FAM81A: variants seen among roughly 807,000 people sequenced by gnomAD.
FAM81A encodes the protein protein FAM81A.
Under a neutral mutation model 46.7 loss-of-function variants are expected in FAM81A, and 19 were observed. The observed-to-expected ratio is 0.41, with a 90% CI of 0.28 to 0.60. FAM81A has a LOEUF of 0.60. Ranked by LOEUF, FAM81A falls within the 20% of genes least tolerant of loss-of-function variation. The pLI is 0.34. For synonymous variants in FAM81A, 183 were observed against 152.9 expected, an observed-to-expected ratio of 1.20 and a Z score of -1.45; for missense variants, 377 against 453.5, an observed-to-expected ratio of 0.83 and a Z score of 1.53.
chr15:59,459,675 G>T (rs1175303375), intron 2 of FAM81A, among the ~76,000 whole-genome samples: 1 of 152,084 alleles, frequency 6.6e-6, no homozygotes, highest in African/African-American at 2.4e-5. Flanking sequence ...AGACATCTCG[G>T]TGTACCCAAC....
chr15:59,470,846 G>A (rs537634910), intron 3 of FAM81A, among the ~76,000 whole-genome samples: 15 of 152,122 alleles, frequency 9.9e-5, no homozygotes, highest in African/African-American at 3.4e-4. Context: ...TTTTGAGACA[G>A]GGTCTGTCTG....
chr15:59,402,544 T>C (rs2081076047), intron 2 of FAM81A, among the ~76,000 whole-genome samples: 1 of 152,142 alleles, frequency 6.6e-6, no homozygotes, highest in African/African-American at 2.4e-5. Flanking sequence ...TATTATTTAA[T>C]TTTATTTTTA....
intron 5 of FAM81A, among the ~76,000 whole-genome samples, chr15:59,507,732 G>A (rs139554433): frequency 1.1e-4 from 16 of 152,172 alleles, no homozygotes; most frequent in Non-Finnish European, 1.9e-4. Flanking sequence ...CTCATTGTAT[G>A]TACTACCTCA....
At chr15:59,413,754 C>G (rs1175414997) in intron 2 of FAM81A, among the ~76,000 whole-genome samples, 1 of 151,824 alleles carries the variant, frequency 6.6e-6, no homozygotes, top group African/African-American at 2.4e-5. Context: ...ACCCCTGTCT[C>G]TAAAAAAAAG....
At position 59,460,272 on chromosome 15, in the gene FAM81A, A is replaced by G. The variant is rs755022928; in HGVS notation, c.294+66A>G. Reference sequence around the variant, plus strand: ...CAGAATTGCTCCATGTCAGGAGGTCACCCACATCTAACTCCTACCTCCCAG... The same window carrying G: ...CAGAATTGCTCCATGTCAGGAGGTCGCCCACATCTAACTCCTACCTCCCAG... On this transcript the variant is annotated intron_variant, in intron 3 of 8. Transcript: ENST00000288228. The surrounding 1 kb of genome is among the most constrained non-coding windows in gnomAD (Gnocchi z 4.4). The G allele has an allele frequency of 2.5e-6, 4 of 1,602,652 alleles. No homozygotes were observed. The highest frequency in any genetic ancestry group is 3.4e-6 in the Non-Finnish European group (4 of 1,170,654).
At chr15:59,411,294 C>T (rs902626047) in intron 2 of FAM81A, among the ~76,000 whole-genome samples, 4 of 151,950 alleles carry the variant, frequency 2.6e-5, no homozygotes, top group Non-Finnish European at 4.4e-5. Flanking sequence ...TTTCTATGTA[C>T]GGTTGCTGGG....
chr15:59,429,808 A>T (rs770432988), intron 2 of FAM81A, among the ~76,000 whole-genome samples: 1 of 152,144 alleles, frequency 6.6e-6, no homozygotes, highest in Non-Finnish European at 1.5e-5. Flanking sequence ...TGGATTTGGG[A>T]TAAAATAAGC....
intron 2 of FAM81A, among the ~76,000 whole-genome samples, chr15:59,422,946 T>G (rs757991096): frequency 6.6e-6 from 1 of 152,230 alleles, no homozygotes. Flanking sequence ...TTTTTCACTT[T>G]GCTTTTTTAT....
chr15:59,478,485 G>A (rs1166927396), intron 3 of FAM81A, among the ~76,000 whole-genome samples: 1 of 152,180 alleles, frequency 6.6e-6, no homozygotes, highest in African/African-American at 2.4e-5. Flanking sequence ...TAACATACAG[G>A]ACCTTGGTTC....
At chr15:59,473,992 A>C (rs544498779) in intron 3 of FAM81A, among the ~76,000 whole-genome samples, 1 of 152,166 alleles carries the variant, frequency 6.6e-6, no homozygotes, top group African/African-American at 2.4e-5. Flanking sequence ...CATTTTAAAT[A>C]CATAATTTCC....
upstream of FAM81A, among the ~76,000 whole-genome samples, chr15:59,434,767 CA>C (rs1352267517): frequency 6.6e-6 from 1 of 152,204 alleles, no homozygotes; most frequent in African/African-American, 2.4e-5. Context: ...TTGCTGAGGA[CA>C]AAACAAAGTG....
At chr15:59,441,393 G>A (rs759772684) in intron 1 of FAM81A, among the ~76,000 whole-genome samples, 5 of 152,250 alleles carry the variant, frequency 3.3e-5, no homozygotes, top group South Asian at 4.1e-4. Flanking sequence ...TTAAGCACAC[G>A]AAGTGTGGCT....
intron 8 of FAM81A, among the ~76,000 whole-genome samples, chr15:59,518,937 GTGTGTC>G (rs1295091679): frequency 3.2e-5 from 4 of 124,752 alleles, no homozygotes; most frequent in African/African-American, 1.1e-4. Context: ...ATTTGTGTGT[GTGTGTC>G]TGTGTGTGTG....
At chr15:59,491,492 T>G (rs1194061959) in intron 3 of FAM81A, among the ~76,000 whole-genome samples, 1 of 152,092 alleles carries the variant, frequency 6.6e-6, no homozygotes, top group Non-Finnish European at 1.5e-5. Flanking sequence ...ATTAATAAGA[T>G]CTAGTATTTG....
intron 3 of FAM81A, among the ~76,000 whole-genome samples, chr15:59,461,779 A>G (rs2081554475): frequency 6.6e-6 from 1 of 152,178 alleles, no homozygotes; most frequent in South Asian, 2.1e-4. Context: ...TCCAGTTCTT[A>G]GCTTTTATGA....
chr15:59,519,647 T>C (rs1376242511), intron 8 of FAM81A, among the ~76,000 whole-genome samples: 1 of 147,316 alleles, frequency 6.8e-6, no homozygotes, highest in East Asian at 2.2e-4. Flanking sequence ...ATTCCACATA[T>C]GAGATCGTGC....
intron 2 of FAM81A, among the ~76,000 whole-genome samples, chr15:59,421,873 A>G (rs62015058): frequency 1.1e-3 from 13 of 12,122 alleles, no homozygotes; most frequent in African/African-American, 7.4e-3. Context: ...TCAACCCTCT[A>G]TCTATCTATC....
chr15:59,511,703 C>A (rs969893189), intron 6 of FAM81A, among the ~76,000 whole-genome samples: 1 of 152,104 alleles, frequency 6.6e-6, no homozygotes, highest in Non-Finnish European at 1.5e-5. Context: ...CAGGCTGGAG[C>A]GCAGTGTGCT....
rs1161761391 is a variant in FAM81A, at chr15:59,509,013, A to T, written c.650+44A>T. 20 of 1,467,326 alleles carry T rather than the reference A, an allele frequency of 1.4e-5. No homozygotes were observed. The East Asian group carries it at 4.5e-4, about 33-fold the overall frequency. 90.9% of individuals were successfully genotyped at this position (1,467,326 alleles called of 1,614,324 possible). A position where few individuals can be genotyped will look rare whatever the true frequency, so the allele number is the denominator to read the frequency against. ...AAAAAAATAAAACTTAAAGTTCTTTATGAGTTTATGCAATACTATGATTTT... is the reference window on the plus strand; with the variant it reads ...AAAAAAATAAAACTTAAAGTTCTTTTTGAGTTTATGCAATACTATGATTTT... On this transcript the variant is annotated intron_variant, in intron 6 of 8. Coordinates refer to ENST00000288228, the MANE Select transcript of FAM81A (RefSeq NM_152450.3).
Sources: gnomAD v4.1 joint callset for allele counts (sites outside exome capture counted in the v4.1 genomes callset) on GRCh38, gnomAD v4.1.1 for gene constraint, Gnocchi (gnomAD v3.1) non-coding constraint, MANE v1.5 for transcripts, NCBI Gene and HGNC (gene_info 2026-07-23, HGNC 2026-07-21) for gene names.